CGREF1: variants seen among roughly 807,000 people sequenced by gnomAD.
The protein encoded by CGREF1 is cell growth regulator with EF hand domain protein 1.
CGREF1 carries 16 observed loss-of-function variants against 17.4 expected under a neutral mutation model. The observed-to-expected ratio is 0.92, with a 90% CI of 0.62 to 1.40. CGREF1 has a LOEUF of 1.40. Ranked by LOEUF, CGREF1 falls within the 40% of genes most tolerant of loss-of-function variation. The probability of loss-of-function intolerance (pLI) is 0.00; values close to 1 mark genes in which losing one functional copy is unlikely to be tolerated. For missense variants in CGREF1, 296 were observed against 376.4 expected (o/e 0.79, Z 1.77); for synonymous variants, 142 against 154.6 (o/e 0.92, Z 0.61).
intron 1 of CGREF1, among the ~76,000 whole-genome samples, chr2:27,110,224 G>C (rs1021355556): frequency 3.3e-5 from 5 of 152,014 alleles, no homozygotes; most frequent in Non-Finnish European, 7.4e-5. Flanking sequence ...GCAACACCCT[G>C]TCTCTACAGA....
chr2:27,100,455 A>G (rs758800413), downstream of CGREF1: 9 of 1,291,064 alleles, frequency 7.0e-6, no homozygotes, highest in South Asian at 9.9e-5. Flanking sequence ...AATGTGACCC[A>G]GGATACAGAG....
In CGREF1 at chr2:27,100,679, A is replaced by C. The variant is rs1347265273; in HGVS notation, c.*595T>G. 1.4e-5 allele frequency: 15 copies of C among 1,085,796 alleles called. No homozygotes were observed. The highest frequency in any genetic ancestry group is 1.8e-5 in the Non-Finnish European group (15 of 842,790). The allele number at this position is 1,085,796 out of a possible 1,614,324, so 67.3% of individuals were successfully genotyped here. On this transcript the variant is annotated 3_prime_UTR_variant, in exon 6 of 6. Transcript: ENST00000402394. ...ATCTGCCTCAATTTCTTCATCTGTC[A>C]AATGGAACCAATTCTGCTTGGCTAC... is the stretch of plus-strand genomic sequence containing the variant.
chr2:27,113,087 A>G (rs1420480038), intron 1 of CGREF1, among the ~76,000 whole-genome samples: 1 of 151,662 alleles, frequency 6.6e-6, no homozygotes, highest in African/African-American at 2.4e-5. Context: ...GCAGCAGCTG[A>G]AGGAGGGTCT....
At chr2:27,102,930 C>T (rs1397849110) in intron 2 of CGREF1, 16 of 985,338 alleles carry the variant, frequency 1.6e-5, no homozygotes, top group Non-Finnish European at 1.8e-5. Flanking sequence ...ACATGGGTCA[C>T]AGACCCCTCT....
chr2:27,118,461 C>G (rs1331014107), intron 1 of CGREF1, among the ~76,000 whole-genome samples: 1 of 152,204 alleles, frequency 6.6e-6, no homozygotes, highest in Non-Finnish European at 1.5e-5. Context: ...CCTCGGCCAC[C>G]TGCAAGCGGA....
chr2:27,105,259 A>C (rs1671072892), intron 1 of CGREF1, among the ~76,000 whole-genome samples: 1 of 152,214 alleles, frequency 6.6e-6, no homozygotes, highest in African/African-American at 2.4e-5. Flanking sequence ...TTGATGGTCT[A>C]GCAGAGATCA....
In CGREF1 at chr2:27,101,171, G is replaced by C. The variant is rs1041812819; in HGVS notation, c.*103C>G. On this transcript the variant is annotated 3_prime_UTR_variant, in exon 6 of 6. Coordinates refer to ENST00000402394, the MANE Select transcript of CGREF1 (RefSeq NM_006569.6). ...ACCTGATACCTACTGGGACCAGGCA[G>C]GGGGCACAGAGATGGTCCTTGTCCC... 93 of 1,490,686 alleles carry C rather than the reference G, an allele frequency of 6.2e-5. No individual in the cohort carries two copies. Among genetic ancestry groups the C allele is most frequent in the Middle Eastern group, 1.9e-4 (1 of 5,210 alleles). 92.3% of individuals were successfully genotyped at this position (1,490,686 alleles called of 1,614,324 possible). A position where few individuals can be genotyped will look rare whatever the true frequency, so the allele number is the denominator to read the frequency against.
downstream of CGREF1, chr2:27,099,664 G>C: frequency 6.2e-7 from 1 of 1,614,128 alleles, no homozygotes; most frequent in South Asian, 1.1e-5. Flanking sequence ...CCCTCCTCCA[G>C]GGAGGAGCGT....
chr2:27,104,371 C>T lies in CGREF1; in HGVS notation c.-5G>A. 6.2e-7 allele frequency: 1 copy of T among 1,613,508 alleles called. No individual in the cohort carries two copies. Among genetic ancestry groups the T allele is most frequent in the Non-Finnish European group, 8.5e-7 (1 of 1,179,758 alleles). ...TGTCATCGTCAAAGGTAACATCCTTCCTGGAACTGGAACAAGGAAGAGAAT... is the reference window on the plus strand; with the variant it reads ...TGTCATCGTCAAAGGTAACATCCTTTCTGGAACTGGAACAAGGAAGAGAAT... On this transcript the variant is annotated 5_prime_UTR_variant, in exon 2 of 6. Coordinates refer to ENST00000402394, the MANE Select transcript of CGREF1 (RefSeq NM_006569.6).
chr2:27,113,321 A>G (rs543695383), intron 1 of CGREF1, among the ~76,000 whole-genome samples: 1 of 152,332 alleles, frequency 6.6e-6, no homozygotes, highest in South Asian at 2.1e-4. Flanking sequence ...CAGCTGCCAC[A>G]TGACAAAGAC....
chr2:27,116,861 G>C (rs555511777), intron 1 of CGREF1, among the ~76,000 whole-genome samples: 1 of 74,710 alleles, frequency 1.3e-5, no homozygotes. Flanking sequence ...GAGCCACCAG[G>C]CCAGGCCTAT....
chr2:27,102,049 A>G (rs1558458098), intron 5 of CGREF1, 48 bp downstream of exon 5: 2 of 1,571,082 alleles, frequency 1.3e-6, no homozygotes, highest in East Asian at 2.3e-5. Flanking sequence ...CAAAGCCCCA[A>G]AGTGCTGGGT....
chr2:27,107,256 T>C (rs984330832), intron 1 of CGREF1, among the ~76,000 whole-genome samples: 21 of 151,184 alleles, frequency 1.4e-4, no homozygotes, highest in African/African-American at 4.6e-4. Flanking sequence ...TCACATTTTT[T>C]TTGTTTTGTT....
At chr2:27,102,486 G>C in intron 3 of CGREF1, 40 bp downstream of exon 3, 1 of 1,613,356 alleles carries the variant, frequency 6.2e-7, no homozygotes, top group South Asian at 1.1e-5. Flanking sequence ...CCCTGGGCCT[G>C]GTCTTCTCCC....
intron 1 of CGREF1, among the ~76,000 whole-genome samples, chr2:27,110,454 TAAAAG>T (rs1671323446): frequency 6.6e-6 from 1 of 150,944 alleles, no homozygotes; most frequent in African/African-American, 2.4e-5. Flanking sequence ...ACAGCACTAA[TAAAAG>T]AGACTACACT....
intron 2 of CGREF1, chr2:27,102,949 G>C (rs1361484072): frequency 6.1e-6 from 6 of 985,336 alleles, no homozygotes; most frequent in Non-Finnish European, 7.2e-6. Context: ...CTCCTTCCAT[G>C]CTGGGAGCCA....
At chr2:27,111,750 C>A (rs974910782) in intron 1 of CGREF1, among the ~76,000 whole-genome samples, 27 of 152,016 alleles carry the variant, frequency 1.8e-4, no homozygotes, top group African/African-American at 6.0e-4. Context: ...CGGGGCCGGC[C>A]GGCAGCTCCG....
intron 4 of CGREF1, 41 bp from the exon 5 acceptor site, chr2:27,102,262 A>G: frequency 6.2e-7 from 1 of 1,610,840 alleles, no homozygotes; most frequent in Admixed American, 1.7e-5. Context: ...GTGCCGGGGG[A>G]GGTGGAGAAG....
At chr2:27,109,612 G>T (rs1444781497) in intron 1 of CGREF1, among the ~76,000 whole-genome samples, 1 of 151,910 alleles carries the variant, frequency 6.6e-6, no homozygotes, top group African/African-American at 2.4e-5. Flanking sequence ...AAGGCTGGGC[G>T]CGGTGGCTCA....
Sources: gnomAD v4.1 joint callset for allele counts (sites outside exome capture counted in the v4.1 genomes callset) on GRCh38, gnomAD v4.1.1 for gene constraint, MANE v1.5 for transcripts, NCBI Gene and HGNC (gene_info 2026-07-23, HGNC 2026-07-21) for gene names.